FHIT: variants seen among roughly 807,000 people sequenced by gnomAD.
FHIT encodes the protein bis(5'-adenosyl)-triphosphatase.
A neutral mutation model predicts 17.9 loss-of-function variants in FHIT; 19 were observed. The observed-to-expected ratio is 1.06, with a 90% confidence interval of 0.74 to 1.56. The LOEUF is 1.56. Ranked by LOEUF, FHIT falls within the 40% of genes most tolerant of loss-of-function variation. The probability of loss-of-function intolerance (pLI) is 0.00; values close to 1 mark genes in which losing one functional copy is unlikely to be tolerated. For missense variants in FHIT, 248 were observed against 189.2 expected (o/e 1.31, Z -1.82); for synonymous variants, 81 against 69.7 (o/e 1.16, Z -0.81).
intron 2 of FHIT, among the ~76,000 whole-genome samples, chr3:61,097,757 A>G (rs755846833): frequency 5.3e-5 from 8 of 151,994 alleles, no homozygotes; most frequent in Non-Finnish European, 8.8e-5. Context: ...TCTTCTTTTG[A>G]AAAGTGTTTG....
intron 5 of FHIT, among the ~76,000 whole-genome samples, chr3:60,182,555 C>T (rs1190775706): frequency 1.3e-5 from 2 of 151,776 alleles, no homozygotes; most frequent in African/African-American, 4.8e-5. Flanking sequence ...GGCAGGCAGA[C>T]AGCTTGAGCC....
intron 5 of FHIT, among the ~76,000 whole-genome samples, chr3:60,106,726 T>C (rs568055708): frequency 1.3e-5 from 2 of 152,306 alleles, no homozygotes; most frequent in African/African-American, 4.8e-5. Context: ...TGTACGCCCA[T>C]TGGTCTCTCC....
chr3:59,751,701 A>G, intron 9 of FHIT: 1 of 224,458 alleles, frequency 4.5e-6, no homozygotes, highest in Non-Finnish European at 8.6e-6. Flanking sequence ...TAGGAGCCGA[A>G]CATAAAGGGA....
chr3:60,712,037 C>G (rs1308783579), intron 4 of FHIT, among the ~76,000 whole-genome samples: 4 of 152,174 alleles, frequency 2.6e-5, no homozygotes, highest in Non-Finnish European at 5.9e-5. Flanking sequence ...GGTCGGGTTA[C>G]CCACAAAGGG....
intron 4 of FHIT, among the ~76,000 whole-genome samples, chr3:60,656,296 T>C (rs1032338596): frequency 2.6e-5 from 4 of 152,198 alleles, no homozygotes; most frequent in Admixed American, 6.5e-5. Context: ...AGTGTTTTCA[T>C]TTTTTAATGC....
intron 1 of FHIT, among the ~76,000 whole-genome samples, chr3:61,214,055 G>A (rs1282258419): frequency 1.3e-5 from 2 of 152,046 alleles, no homozygotes; most frequent in African/African-American, 4.8e-5. Context: ...AAGAAAGCAG[G>A]AAAGATCCAA....
intron 5 of FHIT, among the ~76,000 whole-genome samples, chr3:60,494,260 G>A (rs957339761): frequency 5.9e-5 from 9 of 152,108 alleles, no homozygotes; most frequent in African/African-American, 2.2e-4. Flanking sequence ...CTACCTCTAT[G>A]ACTTTGCCAA....
At chr3:60,356,234 C>A (rs1699647222) in intron 5 of FHIT, among the ~76,000 whole-genome samples, 1 of 152,182 alleles carries the variant, frequency 6.6e-6, no homozygotes, top group Non-Finnish European at 1.5e-5. Context: ...AGTAACCGAG[C>A]AGAGCCTTCT....
rs2040739612 is a variant in FHIT, at chr3:60,681,218, A to G, written c.-18+140701T>C. Among the ~76,000 whole-genome samples, 4 of 152,278 alleles carry G rather than the reference A, an allele frequency of 2.6e-5. No homozygotes were observed. The South Asian group carries it at 8.3e-4, about 32-fold the overall frequency. On this transcript the variant is annotated intron_variant, in intron 4 of 9. Coordinates refer to ENST00000492590, the MANE Select transcript of FHIT (RefSeq NM_002012.4). ...TTTGGTAATTCTCCCAATATTTCAA[A>G]CTAATTCATTATTATTATGTCTGTT...
intron 5 of FHIT, among the ~76,000 whole-genome samples, chr3:60,511,309 A>G (rs546998158): frequency 2.0e-5 from 3 of 152,202 alleles, no homozygotes; most frequent in Non-Finnish European, 4.4e-5. Flanking sequence ...CAATTCCATC[A>G]GTACTGAGCT....
intron 5 of FHIT, among the ~76,000 whole-genome samples, chr3:60,358,240 TA>T (rs1371615352): frequency 6.6e-6 from 1 of 152,212 alleles, no homozygotes; most frequent in African/African-American, 2.4e-5. Context: ...TAAAATATTC[TA>T]AAGACAGAAC....
intron 8 of FHIT, among the ~76,000 whole-genome samples, chr3:59,822,404 A>C (rs2106663608): frequency 6.6e-6 from 1 of 152,304 alleles, no homozygotes; most frequent in Non-Finnish European, 1.5e-5. Flanking sequence ...ACTAGTTTCC[A>C]TTCCCATCAG....
intron 5 of FHIT, among the ~76,000 whole-genome samples, chr3:60,046,985 A>G (rs528589100): frequency 6.6e-6 from 1 of 152,224 alleles, no homozygotes; most frequent in African/African-American, 2.4e-5. Context: ...ACATCCACTG[A>G]ATATTAAGTG....
chr3:60,701,810 G>C (rs1348385753), intron 4 of FHIT, among the ~76,000 whole-genome samples: 1 of 152,188 alleles, frequency 6.6e-6, no homozygotes. Flanking sequence ...CAGACAGGAA[G>C]GGGGTTTGTT....
rs73836122 is a variant in FHIT at position 60,781,350 on chromosome 3, T to C, written c.-18+40569A>G. Among the ~76,000 whole-genome samples, 304 of 152,252 alleles carry C rather than the reference T, an allele frequency of 2.0e-3. 3 individuals are homozygous for C. Among genetic ancestry groups the C allele is most frequent in the Middle Eastern group, 0.014 (4 of 294 alleles). On this transcript the variant is annotated intron_variant, in intron 4 of 9. Coordinates refer to ENST00000492590, the MANE Select transcript of FHIT (RefSeq NM_002012.4). ...GGCACACAGAAAAACTAGAAGACTATTTCTGCACCAGTCAAGAAGCACACA... is the reference window on the plus strand; with the variant it reads ...GGCACACAGAAAAACTAGAAGACTACTTCTGCACCAGTCAAGAAGCACACA...
intron 8 of FHIT, among the ~76,000 whole-genome samples, chr3:59,779,479 A>T (rs1196262309): frequency 1.3e-5 from 2 of 152,218 alleles, no homozygotes; most frequent in East Asian, 3.8e-4. Flanking sequence ...CCTGTGTGCT[A>T]CATTAGCTCC....
In FHIT at chr3:60,309,143, C is replaced by T. The variant is rs546485358; in HGVS notation, c.103+227717G>A. On this transcript the variant is annotated intron_variant, in intron 5 of 9. Transcript: ENST00000492590. ...TTATGTTCTGTCAGGGAAGTGCTAG[C>T]AATTAATTACCAATAAACTAAACAC... 3.0e-4 allele frequency among the ~76,000 whole-genome samples: 46 copies of T among 152,126 alleles called. No individual in the cohort carries two copies. The South Asian group carries it at 8.5e-3, about 28-fold the overall frequency.
At chr3:60,794,665 C>T (rs782322949) in intron 4 of FHIT, among the ~76,000 whole-genome samples, 18 of 152,086 alleles carry the variant, frequency 1.2e-4, no homozygotes, top group Non-Finnish European at 2.1e-4. Flanking sequence ...GAATAAGGAC[C>T]TCTTTTGATG....
At chr3:60,194,091 C>G (rs1212925000) in intron 5 of FHIT, among the ~76,000 whole-genome samples, 1 of 152,076 alleles carries the variant, frequency 6.6e-6, no homozygotes, top group Non-Finnish European at 1.5e-5. Context: ...AAACTCAATC[C>G]TAAAGTTCGC....
Sources: gnomAD v4.1 joint callset for allele counts (sites outside exome capture counted in the v4.1 genomes callset) on GRCh38, gnomAD v4.1.1 for gene constraint, MANE v1.5 for transcripts, NCBI Gene and HGNC (gene_info 2026-07-23, HGNC 2026-07-21) for gene names.